ICAM1: variants seen among roughly 807,000 people sequenced by gnomAD.
The protein encoded by ICAM1 is ICAM-1.
A neutral mutation model predicts 42.3 loss-of-function variants in ICAM1; 28 were observed. The ratio of observed to expected loss-of-function variants is 0.66; its 90% CI spans 0.49 to 0.91. ICAM1 has a LOEUF of 0.91. ICAM1 is among the 40% of genes least tolerant of loss of function. The pLI is 0.00. For missense variants in ICAM1, 637 were observed against 688.6 expected (o/e 0.93, Z 0.84); for synonymous variants, 304 against 305.9 (o/e 0.99, Z 0.07).
chr19:10,277,824 C>T (rs1414877792), intron 2 of ICAM1, among the ~76,000 whole-genome samples: 3 of 151,972 alleles, frequency 2.0e-5, no homozygotes, highest in African/African-American at 2.4e-5. Flanking sequence ...TTGGGGACTT[C>T]GAATGGTGGG....
At chr19:10,275,095 CA>C in intron 2 of ICAM1, 67 bp downstream of exon 2, 1 of 1,530,094 alleles carries the variant, frequency 6.5e-7, no homozygotes, top group South Asian at 1.2e-5. Flanking sequence ...GGGGCACCTG[CA>C]GAGGCCTGGG....
At chr19:10,281,040 A>T (rs2040052929) in intron 2 of ICAM1, among the ~76,000 whole-genome samples, 1 of 150,982 alleles carries the variant, frequency 6.6e-6, no homozygotes, top group Non-Finnish European at 1.5e-5. Context: ...CGCCTGGCTA[A>T]TTTTTTGTAT....
chr19:10,284,353 TGGG>T lies in ICAM1; in HGVS notation c.925+36_925+38del, dbSNP rs1377890721. 6.2e-7 allele frequency: 1 copy of T among 1,611,170 alleles called. No individual in the cohort carries two copies. Among genetic ancestry groups the T allele is most frequent in the Admixed American group, 1.7e-5 (1 of 59,960 alleles). ...GGGGCAGGGGCGGAGTGGGGCTTCTTGGGGGTGTGACCTGAACCCGGGGCGGGG... is the reference window on the plus strand; with the variant it reads ...GGGGCAGGGGCGGAGTGGGGCTTCTTGGTGTGACCTGAACCCGGGGCGGGG... On this transcript the variant is annotated intron_variant, in intron 4 of 6. Coordinates refer to ENST00000264832, the MANE Select transcript of ICAM1 (RefSeq NM_000201.3). This position sits in a 1 kb window ranked among gnomAD's most constrained non-coding sequence, Gnocchi z 5.4.
Position 10,275,037 on chromosome 19 carries a change from CTG to C in ICAM1, c.331+10_331+11del. 1 of 1,612,488 alleles carries C rather than the reference CTG, an allele frequency of 6.2e-7. No homozygotes were observed. The highest frequency in any genetic ancestry group is 8.5e-7 in the Non-Finnish European group (1 of 1,179,726). On this transcript the variant is annotated intron_variant, in intron 2 of 6. Coordinates refer to ENST00000264832, the MANE Select transcript of ICAM1 (RefSeq NM_000201.3). ...CTTCCTCACCGTGTACTGTGAGTAA[CTG>C]AGCCCGGAGGGCTGGACTAGGCAGA...
intron 2 of ICAM1, among the ~76,000 whole-genome samples, chr19:10,279,471 ATTTTTTTGTTTT>A (rs1159400392): frequency 1.3e-5 from 2 of 151,810 alleles, no homozygotes; most frequent in Non-Finnish European, 2.9e-5. Context: ...GAACCCAGGA[ATTTTTTTGTTTT>A]TGTTTTTGTT....
chr19:10,278,580 T>TTTTTTTTTG (rs1568293403), intron 2 of ICAM1, among the ~76,000 whole-genome samples: 1 of 132,018 alleles, frequency 7.6e-6, no homozygotes, highest in African/African-American at 2.8e-5. Flanking sequence ...TTCTTTTTTT[T>TTTTTTTTTG]GACACACAGT....
chr19:10,284,758 A>G lies in ICAM1; in HGVS notation c.1181-25A>G, dbSNP rs779676030. On this transcript the variant is annotated intron_variant, in intron 5 of 6. Transcript: ENST00000264832. The surrounding 1 kb of genome is among the most constrained non-coding windows in gnomAD (Gnocchi z 5.4). ...CCAAGTCCTGCCCCCACCCACCTCC[A>G]TGTCATCTCATCGTGTTTTTCCAGA... 5 of 1,607,154 alleles carry G rather than the reference A, an allele frequency of 3.1e-6. No individual in the cohort carries two copies. The highest frequency in any genetic ancestry group is 4.2e-6 in the Non-Finnish European group (5 of 1,178,258).
intron 1 of ICAM1, among the ~76,000 whole-genome samples, chr19:10,271,646 T>G (rs575567799): frequency 6.6e-6 from 1 of 152,286 alleles, no homozygotes; most frequent in South Asian, 2.1e-4. Context: ...TGGCAGGGTA[T>G]CTTGGCCCAG....
At chr19:10,274,646 C>T (rs779275059) in intron 1 of ICAM1, 119 bp from the exon 2 acceptor site, 41 of 1,171,852 alleles carry the variant, frequency 3.5e-5, no homozygotes, top group African/African-American at 1.7e-4. Context: ...ACTTCCACAT[C>T]GAAGGCAAAG....
At chr19:10,281,091 T>G (rs1419241561) in intron 2 of ICAM1, among the ~76,000 whole-genome samples, 2 of 151,522 alleles carry the variant, frequency 1.3e-5, no homozygotes, top group East Asian at 1.9e-4. Context: ...GCCAGGATGG[T>G]CTTGATCTCC....
Position 10,285,290 on chromosome 19 carries a change from C to T in ICAM1, c.*3C>T, listed in dbSNP as rs767992203. 2 of 1,613,364 alleles carry T rather than the reference C, an allele frequency of 1.2e-6. No homozygotes were observed. The highest frequency in any genetic ancestry group is 3.3e-5 in the Admixed American group (2 of 59,956). ...ACACACAAGCCACGCCTCCCTGAAC[C>T]TATCCCGGGACAGGGCCTCTTCCTC... On this transcript the variant is annotated 3_prime_UTR_variant, in exon 7 of 7. Coordinates refer to ENST00000264832, the MANE Select transcript of ICAM1 (RefSeq NM_000201.3).
At chr19:10,283,218 A>G in intron 2 of ICAM1, 1 of 388,950 alleles carries the variant, frequency 2.6e-6, no homozygotes, top group South Asian at 5.9e-5. Flanking sequence ...CCAGACACCT[A>G]GCAATAGACT....
intron 1 of ICAM1, among the ~76,000 whole-genome samples, chr19:10,271,871 ACC>A (rs1452420003): frequency 6.6e-6 from 1 of 151,290 alleles, no homozygotes; most frequent in Admixed American, 6.6e-5. Context: ...GCCCCAGCAC[ACC>A]CTCCCCCAGC....
At chr19:10,283,159 G>A (rs971917647) in intron 2 of ICAM1, 9 of 223,848 alleles carry the variant, frequency 4.0e-5, no homozygotes, top group Admixed American at 2.8e-4. Flanking sequence ...AGCCAAGATC[G>A]AGCCACTGTT....
intron 2 of ICAM1, among the ~76,000 whole-genome samples, chr19:10,282,782 G>T (rs1315430167): frequency 6.6e-6 from 1 of 152,042 alleles, no homozygotes; most frequent in Non-Finnish European, 1.5e-5. Flanking sequence ...GGAGGCCGGG[G>T]TGGGCAGATC....
At chr19:10,279,196 G>A (rs2040038136) in intron 2 of ICAM1, among the ~76,000 whole-genome samples, 1 of 152,112 alleles carries the variant, frequency 6.6e-6, no homozygotes, top group Non-Finnish European at 1.5e-5. Context: ...GGAACAGCCT[G>A]GGCAAAAGTT....
chr19:10,271,333 G>A (rs1452374501), intron 1 of ICAM1, 107 bp downstream of exon 1: 2 of 946,208 alleles, frequency 2.1e-6, no homozygotes, highest in African/African-American at 1.7e-5. Flanking sequence ...GGGAAGGAGG[G>A]GCTAGAGACA....
chr19:10,272,448 A>C (rs2039988063), intron 1 of ICAM1, among the ~76,000 whole-genome samples: 1 of 152,144 alleles, frequency 6.6e-6, no homozygotes, highest in Admixed American at 6.6e-5. Flanking sequence ...AATCTGAGAC[A>C]GGAATCTTTG....
chr19:10,283,786 G>T lies in ICAM1; in HGVS notation c.637G>T (p.Val213Phe). ...GGCCCCCTACCAGCTCCAGACCTTT[G>T]GTGAGGATTGAAGAAGCCAGCAGGG... is the stretch of plus-strand genomic sequence containing the variant. ...TSAPYQLQTFVLPATPPQLVS... is the reference protein window; with the variant it reads ...TSAPYQLQTFFLPATPPQLVS... Residue 213 changes from valine (V) to phenylalanine (F), a missense_variant and splice_region_variant, in exon 3 of 7, where the codon GTC becomes TTC. Physicochemically the swap from Val to Phe is conservative, Grantham distance 50 (BLOSUM62 -1). Transcript: ENST00000264832. 1.3e-6 allele frequency: 2 copies of T among 1,598,890 alleles called. No individual in the cohort carries two copies. Among genetic ancestry groups the T allele is most frequent in the East Asian group, 4.5e-5 (2 of 44,572 alleles).
Sources: gnomAD v4.1 joint callset for allele counts (sites outside exome capture counted in the v4.1 genomes callset) on GRCh38, gnomAD v4.1.1 for gene constraint, Gnocchi (gnomAD v3.1) non-coding constraint, MANE v1.5 for transcripts, NCBI Gene and HGNC (gene_info 2026-07-23, HGNC 2026-07-21) for gene names.